Variants in TNS3 observed in about 807,000 individuals in gnomAD.
The protein encoded by TNS3 is tensin 3, also known as tensin-3.
A neutral mutation model predicts 140.9 loss-of-function variants in TNS3; 45 were observed. The observed-to-expected ratio is 0.32, with a 90% CI of 0.25 to 0.41. The LOEUF (loss-of-function observed/expected upper bound fraction) is 0.41, where lower values mean the gene tolerates loss of function less well. Ranked by LOEUF, TNS3 falls within the 10% of genes least tolerant of loss-of-function variation. TNS3 has a pLI of 1.00. For missense variants in TNS3, 1,716 were observed against 1,906.7 expected (o/e 0.90, Z 1.86); for synonymous variants, 815 against 788.4 (o/e 1.03, Z -0.56).
At chr7:47,427,173 G>C (rs1202279274) in intron 9 of TNS3, among the ~76,000 whole-genome samples, 2 of 145,760 alleles carry the variant, frequency 1.4e-5, no homozygotes, top group African/African-American at 5.1e-5. Context: ...TCTCTGTCCA[G>C]AACCAGCCAG....
intron 17 of TNS3, among the ~76,000 whole-genome samples, chr7:47,365,037 T>G (rs1052931202): frequency 2.0e-5 from 3 of 152,258 alleles, no homozygotes; most frequent in Admixed American, 1.3e-4. Context: ...AATACCCAAA[T>G]ATGCACTGAA....
At chr7:47,541,347 C>T (rs1003218107) in intron 1 of TNS3, among the ~76,000 whole-genome samples, 1 of 151,998 alleles carries the variant, frequency 6.6e-6, no homozygotes, top group Non-Finnish European at 1.5e-5. Flanking sequence ...TGTGTGTATA[C>T]GAACCAGTGC....
intron 1 of TNS3, among the ~76,000 whole-genome samples, chr7:47,572,774 G>T (rs2152019829): frequency 6.6e-6 from 1 of 152,150 alleles, no homozygotes; most frequent in South Asian, 2.1e-4. Context: ...TATGGAGGCT[G>T]AGGCAGAAGA....
At chr7:47,386,467 G>A (rs570039780) in intron 16 of TNS3, among the ~76,000 whole-genome samples, 4 of 152,350 alleles carry the variant, frequency 2.6e-5, no homozygotes, top group East Asian at 1.9e-4. Context: ...GTCCACCCTC[G>A]ACAGGCCTTG....
Position 47,393,637 on chromosome 7 carries a change from G to A in TNS3, c.1024+3163C>T, listed in dbSNP as rs1006266627. Among the ~76,000 whole-genome samples, 9 of 152,170 alleles carry A rather than the reference G, an allele frequency of 5.9e-5. No individual in the cohort carries two copies. The East Asian group carries it at 1.7e-3, about 29-fold the overall frequency. On this transcript the variant is annotated intron_variant, in intron 16 of 30. Transcript: ENST00000311160. Reference sequence around the variant, plus strand: ...GCAAGGGATGAACCAGGCACTGGGAGGAGGCTGCACTCTCACCCACTATAT... The same window carrying A: ...GCAAGGGATGAACCAGGCACTGGGAAGAGGCTGCACTCTCACCCACTATAT...
intron 20 of TNS3, among the ~76,000 whole-genome samples, chr7:47,309,424 T>C (rs1786954602): frequency 6.6e-6 from 1 of 152,172 alleles, no homozygotes; most frequent in Non-Finnish European, 1.5e-5. Context: ...TATGAGAGTA[T>C]GTTTAAAACA....
intron 8 of TNS3, among the ~76,000 whole-genome samples, chr7:47,431,412 G>A (rs1794923780): frequency 1.3e-5 from 2 of 152,098 alleles, no homozygotes; most frequent in South Asian, 2.1e-4. Context: ...GGCCAACATG[G>A]TGAAACCCCA....
At position 47,407,217 on chromosome 7, in the gene TNS3, G is replaced by A. The variant is rs928059074; in HGVS notation, c.723+4510C>T. ...GGGAGTGCTGGCAGTGACACCCTGG[G>A]TTTCTACTCTCCAGGTCGACCACAG... On this transcript the variant is annotated intron_variant, in intron 13 of 30. Coordinates refer to ENST00000311160, the MANE Select transcript of TNS3 (RefSeq NM_022748.12). The surrounding 1 kb of genome is among the most constrained non-coding windows in gnomAD (Gnocchi z 4.1). Among the ~76,000 whole-genome samples, 2 of 152,174 alleles carry A rather than the reference G, an allele frequency of 1.3e-5. No homozygotes were observed. Among genetic ancestry groups the A allele is most frequent in the African/African-American group, 4.8e-5 (2 of 41,440 alleles).
chr7:47,516,488 T>G (rs1798781939), intron 2 of TNS3, among the ~76,000 whole-genome samples: 1 of 152,056 alleles, frequency 6.6e-6, no homozygotes, highest in Admixed American at 6.5e-5. Context: ...ATCCTGCCTC[T>G]GCCTTGTCTA....
At chr7:47,433,658 G>A (rs1195937882) in intron 8 of TNS3, among the ~76,000 whole-genome samples, 1 of 152,154 alleles carries the variant, frequency 6.6e-6, no homozygotes, top group Non-Finnish European at 1.5e-5. Context: ...AATGCAGCAG[G>A]CAGCAGGTCT....
At chr7:47,572,565 T>TG (rs907589477) in intron 1 of TNS3, among the ~76,000 whole-genome samples, 6 of 72,100 alleles carry the variant, frequency 8.3e-5, no homozygotes, top group Non-Finnish European at 1.7e-4. Context: ...TTAATGGAGG[T>TG]GGGGGTGGGG....
intron 4 of TNS3, chr7:47,470,684 G>T (rs1796913408): frequency 3.1e-6 from 3 of 983,316 alleles, no homozygotes; most frequent in Non-Finnish European, 3.6e-6. Context: ...GGAATCCAGT[G>T]TCTGTGAGCC....
At chr7:47,512,442 A>T (rs1416379249) in intron 2 of TNS3, among the ~76,000 whole-genome samples, 1 of 152,272 alleles carries the variant, frequency 6.6e-6, no homozygotes, top group Non-Finnish European at 1.5e-5. Flanking sequence ...TGAAAAGAAT[A>T]GTTTACCTAA....
chr7:47,491,040 A>G (rs1407002464), intron 3 of TNS3, among the ~76,000 whole-genome samples: 1 of 152,146 alleles, frequency 6.6e-6, no homozygotes. Context: ...AGGAGATTTC[A>G]GCCGCCGATG....
chr7:47,514,880 T>A (rs1798728241), intron 2 of TNS3, among the ~76,000 whole-genome samples: 1 of 152,182 alleles, frequency 6.6e-6, no homozygotes, highest in African/African-American at 2.4e-5. Flanking sequence ...AGCACCTTCC[T>A]CTGTCCTCTG....
chr7:47,390,434 C>T (rs948897322), intron 16 of TNS3, among the ~76,000 whole-genome samples: 5 of 152,170 alleles, frequency 3.3e-5, no homozygotes, highest in Admixed American at 3.3e-4. Flanking sequence ...TCTGAGAACG[C>T]GGTATGGCCA....
At chr7:47,496,277 G>A (rs894432125) in intron 3 of TNS3, among the ~76,000 whole-genome samples, 1 of 152,194 alleles carries the variant, frequency 6.6e-6, no homozygotes, top group South Asian at 2.1e-4. Flanking sequence ...CAGAGTTTGG[G>A]GTCTTCTAGA....
chr7:47,436,742 T>C (rs1327144481), intron 7 of TNS3, among the ~76,000 whole-genome samples: 1 of 152,184 alleles, frequency 6.6e-6, no homozygotes, highest in African/African-American at 2.4e-5. Context: ...TTAACAAATC[T>C]ATACACATGA....
intron 16 of TNS3, among the ~76,000 whole-genome samples, chr7:47,371,914 T>C (rs1049703559): frequency 2.3e-4 from 35 of 152,156 alleles, no homozygotes; most frequent in Admixed American, 2.2e-3. Flanking sequence ...CGCTATAAAA[T>C]GAGGGTGTGG....
Sources: allele counts gnomAD v4.1 joint callset (sites outside exome capture counted in the v4.1 genomes callset), GRCh38; gene constraint gnomAD v4.1.1; non-coding constraint Gnocchi (gnomAD v3.1); transcripts MANE v1.5; gene names NCBI Gene and HGNC (gene_info 2026-07-23, HGNC 2026-07-21).